The following PSMA2 variants were observed in gnomAD, a reference collection of about 807,000 sequenced individuals.
The protein encoded by PSMA2 is proteasome subunit alpha type-2.
PSMA2 carries 2 observed loss-of-function variants against 35.9 expected under a neutral mutation model. That is an observed-to-expected ratio of 0.06 (90% CI 0.02 to 0.18). The LOEUF (loss-of-function observed/expected upper bound fraction) is 0.18, where lower values mean the gene tolerates loss of function less well. Ranked by LOEUF, PSMA2 falls within the 10% of genes least tolerant of loss-of-function variation. The probability of loss-of-function intolerance (pLI) is 1.00; values close to 1 mark genes in which losing one functional copy is unlikely to be tolerated. For synonymous variants in PSMA2, 97 were observed against 98.2 expected (o/e 0.99, Z 0.07); for missense variants, 126 against 278.8 (o/e 0.45, Z 3.90).
At chr7:42,927,722 A>G (rs1400444510) in intron 1 of PSMA2, among the ~76,000 whole-genome samples, 1 of 152,196 alleles carries the variant, frequency 6.6e-6, no homozygotes, top group African/African-American at 2.4e-5. Flanking sequence ...CCTGACTAAC[A>G]TGGTGAAACC....
intron 2 of PSMA2, among the ~76,000 whole-genome samples, chr7:42,927,004 A>G (rs1786226711): frequency 1.3e-5 from 2 of 152,244 alleles, no homozygotes; most frequent in Admixed American, 6.5e-5. Context: ...AATTTACAAT[A>G]AATGATACAG....
intron 5 of PSMA2, 69 bp from the exon 6 acceptor site, chr7:42,922,000 T>C: frequency 8.3e-7 from 1 of 1,209,948 alleles, no homozygotes; most frequent in Non-Finnish European, 1.2e-6. Context: ...CCCTGCCATT[T>C]AATTTTTAGC....
intron 1 of PSMA2, among the ~76,000 whole-genome samples, chr7:42,931,382 G>T (rs1786308345): frequency 6.6e-6 from 1 of 152,186 alleles, no homozygotes; most frequent in Non-Finnish European, 1.5e-5. Flanking sequence ...GAGAGCCATG[G>T]TTCGCCCCAA....
In PSMA2 at chr7:42,921,863, C is replaced by T; in HGVS notation, c.525G>A (p.Glu175=). ...GTTACAATGAGTAGGCCTACCTTTTCTCAAGGAAAGTCTTCCCATTCACAT... is the reference window on the plus strand; with the variant it reads ...GTTACAATGAGTAGGCCTACCTTTTTTCAAGGAAAGTCTTCCCATTCACAT... ...KNYVNGKTFL[E]KRYNEDLELE... is the part of the protein sequence containing the mutation. Residue 175 remains glutamate, a synonymous_variant, in exon 6 of 8, where the codon GAG becomes GAA. Coordinates refer to ENST00000223321, the MANE Select transcript of PSMA2 (RefSeq NM_002787.5). 2.5e-6 allele frequency: 4 copies of T among 1,612,154 alleles called. No individual in the cohort carries two copies. The highest frequency in any genetic ancestry group is 2.7e-5 in the African/African-American group (2 of 75,002).
chr7:42,920,908 A>C (rs1355953462), intron 6 of PSMA2: 1 of 152,186 alleles, frequency 6.6e-6, no homozygotes, highest in East Asian at 1.9e-4. Flanking sequence ...GCACAGAAAG[A>C]TAAATATTGC....
intron 6 of PSMA2, chr7:42,919,600 G>C (rs653853): frequency 0.87 from 479,295 of 548,204 alleles, 210,156 homozygotes; most frequent in South Asian, 0.92. Flanking sequence ...TATTATGTTG[G>C]CTAGTAGTAT....
At chr7:42,929,847 A>G (rs1654809859) in intron 1 of PSMA2, among the ~76,000 whole-genome samples, 2 of 152,186 alleles carry the variant, frequency 1.3e-5, no homozygotes, top group South Asian at 2.1e-4. Context: ...CAGGGCTTTC[A>G]TACATGCTGT....
At chr7:42,924,934 G>T in intron 3 of PSMA2, 137 bp from the exon 4 acceptor site, 1 of 716,720 alleles carries the variant, frequency 1.4e-6, no homozygotes, top group South Asian at 2.3e-5. Flanking sequence ...ATCAAAGCTA[G>T]TCTTACTCTA....
chr7:42,931,380 T>C (rs1380988856), intron 1 of PSMA2, among the ~76,000 whole-genome samples: 1 of 152,224 alleles, frequency 6.6e-6, no homozygotes. Flanking sequence ...TTGAGAGCCA[T>C]GGTTCGCCCC....
Position 42,927,420 on chromosome 7 carries a change from A to C in PSMA2, c.81T>G (p.Ala27=), listed in dbSNP as rs1252311639. The change falls in exon 2 of 8, where the codon GCT becomes GCG. Residue 27 remains alanine (A), a synonymous_variant. Coordinates refer to ENST00000223321, the MANE Select transcript of PSMA2 (RefSeq NM_002787.5). ...CGGACGGGGCTCCTCCAGCTACAGCAGCCAAAGCATATTCAATCTGGACAA... is the reference window on the plus strand; with the variant it reads ...CGGACGGGGCTCCTCCAGCTACAGCCGCCAAAGCATATTCAATCTGGACAA... ...GKLVQIEYAL[A]AVAGGAPSVG... is the part of the protein sequence containing the mutation. 5.6e-6 allele frequency: 9 copies of C among 1,614,074 alleles called. No individual in the cohort carries two copies. The highest frequency in any genetic ancestry group is 7.6e-6 in the Non-Finnish European group (9 of 1,180,020).
intron 6 of PSMA2, chr7:42,920,007 T>G (rs1407932539): frequency 1.4e-6 from 1 of 717,142 alleles, no homozygotes; most frequent in African/African-American, 1.7e-5. Flanking sequence ...AGATTGGTTT[T>G]CCAAAGACAA....
intron 1 of PSMA2, among the ~76,000 whole-genome samples, chr7:42,931,911 C>T (rs979662737): frequency 9.8e-4 from 4 of 4,076 alleles, no homozygotes; most frequent in South Asian, 0.02. Flanking sequence ...AAACCGCATC[C>T]CCCCGACCCT....
intron 6 of PSMA2, 102 bp downstream of exon 6, chr7:42,921,756 T>G (rs1786132534): frequency 1.1e-6 from 1 of 906,488 alleles, no homozygotes; most frequent in Non-Finnish European, 1.7e-6. Context: ...TACAGAGTAA[T>G]ATAGCAAGTT....
At chr7:42,925,052 C>T (rs537908334) in intron 3 of PSMA2, among the ~76,000 whole-genome samples, 2 of 152,272 alleles carry the variant, frequency 1.3e-5, no homozygotes, top group South Asian at 2.1e-4. Context: ...TCTTGCTCCA[C>T]GGCTTCTTCA....
intron 6 of PSMA2, chr7:42,919,605 T>C (rs1315897169): frequency 1.8e-6 from 1 of 553,198 alleles, no homozygotes; most frequent in Non-Finnish European, 3.5e-6. Flanking sequence ...TGTTGGCTAG[T>C]AGTATGGAAT....
At chr7:42,928,060 A>C (rs1056343496) in intron 1 of PSMA2, among the ~76,000 whole-genome samples, 1 of 152,146 alleles carries the variant, frequency 6.6e-6, no homozygotes, top group Admixed American at 6.5e-5. Flanking sequence ...TAAGTTTTCT[A>C]TGCCTGTTTT....
chr7:42,921,223 C>G (rs1410468404), intron 6 of PSMA2: 1 of 152,164 alleles, frequency 6.6e-6, no homozygotes, highest in Non-Finnish European at 1.5e-5. Context: ...ACACTGTATA[C>G]AGGTATCAAA....
chr7:42,928,050 T>G (rs2128674759), intron 1 of PSMA2, among the ~76,000 whole-genome samples: 1 of 152,348 alleles, frequency 6.6e-6, no homozygotes, highest in Non-Finnish European at 1.5e-5. Flanking sequence ...CTTTTCACCC[T>G]AAGTTTTCTA....
intron 1 of PSMA2, chr7:42,931,190 T>C (rs765581580): frequency 1.6e-5 from 7 of 451,326 alleles, no homozygotes; most frequent in South Asian, 6.3e-5. Context: ...TGGAAAGAGA[T>C]GGAGCAGGTT....
Sources: gnomAD v4.1 joint callset for allele counts (sites outside exome capture counted in the v4.1 genomes callset) on GRCh38, gnomAD v4.1.1 for gene constraint, MANE v1.5 for transcripts, NCBI Gene and HGNC (gene_info 2026-07-23, HGNC 2026-07-21) for gene names.